Variants in RFPL1 observed in about 807,000 individuals in gnomAD.
RFPL1 encodes ret finger protein-like 1.
A neutral mutation model predicts 9.6 loss-of-function variants in RFPL1; 6 were observed. That is an observed-to-expected ratio of 0.62 (90% CI 0.34 to 1.23). The LOEUF is 1.23. Among genes scored for constraint, RFPL1 ranks in the 50% most tolerant of loss-of-function variants. The pLI, the probability that RFPL1 is intolerant of heterozygous loss-of-function variation, is 0.03. For synonymous variants in RFPL1, 145 were observed against 149.4 expected (o/e 0.97, Z 0.22); for missense variants, 352 against 398.4 (o/e 0.88, Z 0.99).
chr22:29,423,534 T>C, the RFPL1 span, among the ~76,000 whole-genome samples: 1 of 152,332 alleles, frequency 6.6e-6, no homozygotes, highest in East Asian at 1.9e-4. Flanking sequence ...TTTTTGAATG[T>C]GCCTCTTCTA....
chr22:29,392,101 C>G, the RFPL1 span, among the ~76,000 whole-genome samples: 1 of 152,062 alleles, frequency 6.6e-6, no homozygotes, highest in Non-Finnish European at 1.5e-5. Flanking sequence ...TTTGGTGAGC[C>G]GGGGTCTTGC....
the RFPL1 span, among the ~76,000 whole-genome samples, chr22:29,410,484 T>TATATATAGATATATATA: frequency 1.1e-5 from 1 of 93,180 alleles, no homozygotes; most frequent in East Asian, 2.7e-4. Context: ...ATATATATAT[T>TATATATAGATATATATA]GTAGATATAT....
chr22:29,397,231 C>T, the RFPL1 span, among the ~76,000 whole-genome samples: 1 of 152,168 alleles, frequency 6.6e-6, no homozygotes, highest in South Asian at 2.1e-4. Flanking sequence ...TTAAGTAGTT[C>T]CCACAATGAC....
chr22:29,415,912 G>A, the RFPL1 span, among the ~76,000 whole-genome samples: 1 of 152,214 alleles, frequency 6.6e-6, no homozygotes, highest in Non-Finnish European at 1.5e-5. Flanking sequence ...ACAGGCTAAA[G>A]CAACACCAGA....
chr22:29,428,702 C>A, the RFPL1 span, among the ~76,000 whole-genome samples: 1 of 152,004 alleles, frequency 6.6e-6, no homozygotes, highest in Non-Finnish European at 1.5e-5. Flanking sequence ...AGTTTTGGAG[C>A]CTACAAAAAG....
At chr22:29,438,482 C>T (rs1027395537), upstream of RFPL1, 18 of 762,920 alleles carry the variant, frequency 2.4e-5, no homozygotes, top group Middle Eastern at 1.4e-3. Flanking sequence ...CACGCCCGGC[C>T]TCCCAGCCCC....
the RFPL1 span, among the ~76,000 whole-genome samples, chr22:29,397,913 A>G: frequency 2.6e-5 from 4 of 152,232 alleles, no homozygotes; most frequent in Non-Finnish European, 5.9e-5. Flanking sequence ...CAAGGGGACA[A>G]TGATGGCCCT....
At chr22:29,425,280 C>T in the RFPL1 span, among the ~76,000 whole-genome samples, 1 of 151,980 alleles carries the variant, frequency 6.6e-6, no homozygotes, top group Non-Finnish European at 1.5e-5. Context: ...ACCCACTTCA[C>T]TTTGTCCCTT....
chr22:29,397,062 C>T, the RFPL1 span, among the ~76,000 whole-genome samples: 41 of 151,952 alleles, frequency 2.7e-4, no homozygotes, highest in African/African-American at 9.9e-4. Flanking sequence ...CGCCTGCCAC[C>T]GCGCCCGGCT....
chr22:29,441,690 C>T, exon 2 of RFPL1: 2 of 1,613,928 alleles, frequency 1.2e-6, no homozygotes, highest in Non-Finnish European at 1.7e-6. Flanking sequence ...GCTCCCCTCG[C>T]TTTACCTGTG....
the RFPL1 span, among the ~76,000 whole-genome samples, chr22:29,407,079 T>TTGTGTGTG: frequency 6.9e-6 from 1 of 145,918 alleles, no homozygotes. Context: ...AGTTGTTCTT[T>TTGTGTGTG]TGTGTGTGTG....
At chr22:29,414,394 AT>A in the RFPL1 span, among the ~76,000 whole-genome samples, 3 of 152,332 alleles carry the variant, frequency 2.0e-5, no homozygotes, top group African/African-American at 7.2e-5. Flanking sequence ...TAAGTGTGGG[AT>A]TTCAATTATC....
At chr22:29,392,576 G>A in the RFPL1 span, among the ~76,000 whole-genome samples, 18 of 151,870 alleles carry the variant, frequency 1.2e-4, no homozygotes, top group African/African-American at 4.4e-4. Flanking sequence ...TTGTAGTAGA[G>A]ATGGGGTTTT....
At chr22:29,425,417 T>C in the RFPL1 span, among the ~76,000 whole-genome samples, 1 of 152,112 alleles carries the variant, frequency 6.6e-6, no homozygotes, top group South Asian at 2.1e-4. Flanking sequence ...GGCTGCATCT[T>C]GACCATGGAA....
At chr22:29,442,082 G>A in exon 2 of RFPL1, 1 of 1,597,206 alleles carries the variant, frequency 6.3e-7, no homozygotes, top group East Asian at 2.2e-5. Context: ...ATAAACCCGG[G>A]CACTACTGAT....
chr22:29,401,728 G>A, the RFPL1 span, among the ~76,000 whole-genome samples: 4 of 152,172 alleles, frequency 2.6e-5, no homozygotes, highest in East Asian at 1.9e-4. Flanking sequence ...TCTCCACTGC[G>A]CAGAGTGACG....
At chr22:29,422,734 A>T in the RFPL1 span, among the ~76,000 whole-genome samples, 3 of 151,784 alleles carry the variant, frequency 2.0e-5, no homozygotes, top group South Asian at 6.3e-4. Flanking sequence ...CAAGAGTGAA[A>T]CTCCATCTCA....
chr22:29,403,373 C>T, the RFPL1 span, among the ~76,000 whole-genome samples: 1 of 152,070 alleles, frequency 6.6e-6, no homozygotes, highest in African/African-American at 2.4e-5. Context: ...ACGTAGTGAG[C>T]ATTGACAAAG....
chr22:29,419,619 G>T, the RFPL1 span, among the ~76,000 whole-genome samples: 1 of 151,932 alleles, frequency 6.6e-6, no homozygotes, highest in South Asian at 2.1e-4. Context: ...CCTGGCCAAC[G>T]TAGTGAAACC....
Sources: gnomAD v4.1 joint callset for allele counts (sites outside exome capture counted in the v4.1 genomes callset) on GRCh38, gnomAD v4.1.1 for gene constraint, MANE v1.5 for transcripts, NCBI Gene and HGNC (gene_info 2026-07-23, HGNC 2026-07-21) for gene names.